Variants in P4HA2 observed in about 807,000 individuals in gnomAD.
P4HA2 encodes the protein prolyl 4-hydroxylase subunit alpha 2.
Under a neutral mutation model 76.9 loss-of-function variants are expected in P4HA2, and 46 were observed. The observed-to-expected ratio is 0.60, with a 90% CI of 0.47 to 0.76. The LOEUF is 0.76. Among genes scored for constraint, P4HA2 ranks in the 30% least tolerant of loss-of-function variants. P4HA2 has a pLI of 0.00. For synonymous variants in P4HA2, 243 were observed against 254.0 expected, an observed-to-expected ratio of 0.96 and a Z score of 0.41; for missense variants, 583 against 669.4, an observed-to-expected ratio of 0.87 and a Z score of 1.42.
At chr5:132,201,164 A>T (rs1032550471) in intron 10 of P4HA2, 1 of 152,252 alleles carries the variant, frequency 6.6e-6, no homozygotes, top group Non-Finnish European at 1.5e-5. Context: ...GGACAGAGTA[A>T]AGGCAAAATT....
At position 132,190,580 on chromosome 5, in the gene P4HA2, G is replaced by A. The variant is rs901760549; in HGVS notation, c.*2430C>T. On this transcript the variant is annotated 3_prime_UTR_variant, in exon 15 of 15. Transcript: ENST00000360568. ...AGTAGAACTTTACACTTCATACCAC[G>A]TATAAAGATAAACCTAAATGACAAA... is the stretch of plus-strand genomic sequence containing the variant. 6.6e-6 allele frequency among the ~76,000 whole-genome samples: 1 copy of A among 152,164 alleles called. No homozygotes were observed. Among genetic ancestry groups the A allele is most frequent in the Non-Finnish European group, 1.5e-5 (1 of 68,036 alleles).
intron 5 of P4HA2, among the ~76,000 whole-genome samples, chr5:132,211,570 G>A (rs549929324): frequency 6.6e-6 from 1 of 152,288 alleles, no homozygotes; most frequent in East Asian, 1.9e-4. Context: ...CGAGGAATAG[G>A]AAGTTGGGGA....
rs1168703080 is a variant in P4HA2 at position 132,190,662 on chromosome 5, G to T, written c.*2348C>A. ...AACATCCTCATGATCTTGGGGTATA[G>T]AAGGATTTCTCAAATAAGACATAAA... On this transcript the variant is annotated 3_prime_UTR_variant, in exon 15 of 15. Transcript: ENST00000360568. Among the ~76,000 whole-genome samples, 1 of 152,124 alleles carries T rather than the reference G, an allele frequency of 6.6e-6. No homozygotes were observed. Among genetic ancestry groups the T allele is most frequent in the Non-Finnish European group, 1.5e-5 (1 of 68,022 alleles).
Position 132,191,554 on chromosome 5 carries a change from T to TGG in P4HA2, c.*1454_*1455dup, listed in dbSNP as rs58638873. On this transcript the variant is annotated 3_prime_UTR_variant, in exon 15 of 15. Coordinates refer to ENST00000360568, the MANE Select transcript of P4HA2 (RefSeq NM_001017974.2). ...AAAAGATTTCAACATATGAATCTGGTGGGGGGACACAAACATTTAGTCCGT... is the reference window on the plus strand; with the variant it reads ...AAAAGATTTCAACATATGAATCTGGTGGGGGGGGACACAAACATTTAGTCCGT... Among the ~76,000 whole-genome samples the TGG allele has an allele frequency of 6.9e-6, 1 of 145,836 alleles. No individual in the cohort carries two copies. The highest frequency in any genetic ancestry group is 1.5e-5 in the Non-Finnish European group (1 of 66,638).
intron 8 of P4HA2, among the ~76,000 whole-genome samples, chr5:132,204,766 A>G (rs1268173342): frequency 6.6e-6 from 1 of 152,252 alleles, no homozygotes; most frequent in East Asian, 1.9e-4. Context: ...TAAAACCAGG[A>G]AAAGATTCTG....
In P4HA2 at chr5:132,190,403, C is replaced by T. The variant is rs1749805938; in HGVS notation, c.*2607G>A. Among the ~76,000 whole-genome samples the T allele has an allele frequency of 6.6e-6, 1 of 152,134 alleles. No homozygotes were observed. Among genetic ancestry groups the T allele is most frequent in the Non-Finnish European group, 1.5e-5 (1 of 68,012 alleles). ...TGTTAGGGTCTACCAATGGAAGCCA[C>T]TAGAGGGAGATTAGACGGCAGTAGA... On this transcript the variant is annotated 3_prime_UTR_variant, in exon 15 of 15. Transcript: ENST00000360568.
At position 132,218,798 on chromosome 5, in the gene P4HA2, A is replaced by G. The variant is rs1244057667; in HGVS notation, c.-18-154T>C. On this transcript the variant is annotated intron_variant, in intron 1 of 14. Coordinates refer to ENST00000360568, the MANE Select transcript of P4HA2 (RefSeq NM_001017974.2). ...GAAGCTAAAAAGGACAAACAGCAGA[A>G]AGAACAAAGAGCGTGCAGCCAGTGA... is the stretch of plus-strand genomic sequence containing the variant. 5.3e-6 allele frequency: 3 copies of G among 564,474 alleles called. No homozygotes were observed. The Admixed American group carries it at 7.8e-5, about 15-fold the overall frequency. 35.0% of individuals were successfully genotyped at this position (564,474 alleles called of 1,614,324 possible). A position where few individuals can be genotyped will look rare whatever the true frequency, so the allele number is the denominator to read the frequency against.
rs1207177965 is a variant in P4HA2, at chr5:132,218,522, ACGACAGT to A, written c.82+16_82+22del. ...GCATGTGAGCCAAGGTGTCAGGGAG[ACGACAGT>A]CCTGTTGGCACGTACCAATAGAGGT... is the stretch of plus-strand genomic sequence containing the variant. On this transcript the variant is annotated intron_variant, in intron 2 of 14. Transcript: ENST00000360568. 3 of 1,548,190 alleles carry A rather than the reference ACGACAGT, an allele frequency of 1.9e-6. No individual in the cohort carries two copies. The African/African-American group carries it at 4.1e-5, about 21-fold the overall frequency.
intron 10 of P4HA2, chr5:132,201,332 A>G (rs1405877239): frequency 1.3e-5 from 2 of 152,218 alleles, no homozygotes; most frequent in Non-Finnish European, 2.9e-5. Context: ...CCTTCAAATG[A>G]TCTACAGCAA....
rs200111315 is a variant in P4HA2, at chr5:132,207,811, G to C, written c.977C>G (p.Pro326Arg). ...GNRAPQLLIA[P>R]FKEEDEWDSP... ...GTCCCACTCGTCCTCCTCTTTGAAG[G>C]GGGCAATGAGCAGCTGTGGGGCCCT... The change falls in exon 8 of 15, where the codon CCC becomes CGC. Residue 326 changes from proline (P) to arginine (R), a missense_variant. Transcript: ENST00000360568. The C allele has an allele frequency of 5.6e-6, 9 of 1,612,168 alleles. No individual in the cohort carries two copies. The highest frequency in any genetic ancestry group is 5.9e-6 in the Non-Finnish European group (7 of 1,179,062).
At chr5:132,226,034 T>C (rs1270592443) in intron 1 of P4HA2, among the ~76,000 whole-genome samples, 1 of 151,968 alleles carries the variant, frequency 6.6e-6, no homozygotes, top group Non-Finnish European at 1.5e-5. Context: ...AAACATTCTG[T>C]GAGTGGGGAG....
At chr5:132,206,570 T>C (rs1205651971) in intron 8 of P4HA2, among the ~76,000 whole-genome samples, 1 of 152,176 alleles carries the variant, frequency 6.6e-6, no homozygotes, top group Non-Finnish European at 1.5e-5. Context: ...TGATGGGATA[T>C]GGCAGCAAAT....
chr5:132,212,080 C>T (rs777957274), intron 5 of P4HA2, among the ~76,000 whole-genome samples: 6 of 152,094 alleles, frequency 3.9e-5, no homozygotes, highest in Non-Finnish European at 8.8e-5. Context: ...GATAGGCAAT[C>T]AGACATGGAG....
intron 5 of P4HA2, among the ~76,000 whole-genome samples, chr5:132,213,628 CTG>C (rs1753414369): frequency 6.6e-6 from 1 of 152,156 alleles, no homozygotes; most frequent in African/African-American, 2.4e-5. Context: ...GAATGCAGAT[CTG>C]TGTGGTGCTC....
At chr5:132,206,048 T>C (rs1469476108) in intron 8 of P4HA2, among the ~76,000 whole-genome samples, 1 of 152,286 alleles carries the variant, frequency 6.6e-6, no homozygotes, top group Non-Finnish European at 1.5e-5. Flanking sequence ...TATCTTTGAA[T>C]AGAAGCCATG....
chr5:132,219,906 C>T (rs1754431437), intron 1 of P4HA2, among the ~76,000 whole-genome samples: 1 of 152,110 alleles, frequency 6.6e-6, no homozygotes. Flanking sequence ...CTCCCATCTG[C>T]AAATGGATCC....
At chr5:132,198,789 A>G in intron 11 of P4HA2, 90 bp downstream of exon 11, 1 of 885,996 alleles carries the variant, frequency 1.1e-6, no homozygotes, top group Non-Finnish European at 1.9e-6. Context: ...GGGGGTACTG[A>G]TGTGGAGGCT....
At chr5:132,195,523 T>C in intron 12 of P4HA2, 43 bp from the exon 13 acceptor site, 1 of 1,464,490 alleles carries the variant, frequency 6.8e-7, no homozygotes, top group Admixed American at 1.7e-5. Context: ...TACCCAAGGC[T>C]CTCAGAGCAA....
intron 12 of P4HA2, chr5:132,197,986 A>G: frequency 1.0e-6 from 1 of 985,170 alleles, no homozygotes; most frequent in Non-Finnish European, 1.2e-6. Flanking sequence ...TGGGGAAAAA[A>G]ATAGGAGCCA....
Sources: allele counts gnomAD v4.1 joint callset (sites outside exome capture counted in the v4.1 genomes callset), GRCh38; gene constraint gnomAD v4.1.1; transcripts MANE v1.5; gene names NCBI Gene and HGNC (gene_info 2026-07-23, HGNC 2026-07-21).